The following KRT8 variants were observed in gnomAD, a reference collection of about 807,000 sequenced individuals.
KRT8 encodes the protein keratin 8, also known as keratin, type II cytoskeletal 8.
A neutral mutation model predicts 43.0 loss-of-function variants in KRT8; 24 were observed. That is an observed-to-expected ratio of 0.56 (90% CI 0.40 to 0.78). The LOEUF is 0.78. Among genes scored for constraint, KRT8 ranks in the 30% least tolerant of loss-of-function variants. The pLI, the probability that KRT8 is intolerant of heterozygous loss-of-function variation, is 0.00. For missense variants in KRT8, 492 were observed against 638.4 expected, an observed-to-expected ratio of 0.77 and a Z score of 2.47; for synonymous variants, 214 against 261.2, an observed-to-expected ratio of 0.82 and a Z score of 1.74.
intron 2 of KRT8, among the ~76,000 whole-genome samples, chr12:52,932,816 CA>C (rs1942106353): frequency 1.3e-5 from 2 of 151,426 alleles, no homozygotes; most frequent in African/African-American, 4.8e-5. Flanking sequence ...AAAAAAAAAA[CA>C]AAAACAAAAA....
intron 5 of KRT8, among the ~76,000 whole-genome samples, chr12:52,899,305 ACT>A (rs922994427): frequency 1.6e-4 from 24 of 152,086 alleles, no homozygotes; most frequent in African/African-American, 5.5e-4. Context: ...ACAGAGCAAG[ACT>A]CTGTCTCAAA....
chr12:52,941,646 G>A (rs897106718), intron 2 of KRT8, among the ~76,000 whole-genome samples: 12 of 151,884 alleles, frequency 7.9e-5, no homozygotes, highest in Admixed American at 4.6e-4. Flanking sequence ...GTGCCACCAC[G>A]CCCAGCTAAT....
intron 2 of KRT8, among the ~76,000 whole-genome samples, chr12:52,922,009 C>G (rs752674325): frequency 6.6e-6 from 1 of 151,124 alleles, no homozygotes; most frequent in Non-Finnish European, 1.5e-5. Flanking sequence ...ATACCCCTCT[C>G]CCCCACAAAA....
chr12:52,914,084 A>G (rs921270758), intron 2 of KRT8, among the ~76,000 whole-genome samples: 1 of 152,060 alleles, frequency 6.6e-6, no homozygotes. Context: ...TTAGCTGGGC[A>G]TGGTGGCAGG....
intron 1 of KRT8, among the ~76,000 whole-genome samples, chr12:52,904,217 G>A (rs902280930): frequency 2.0e-4 from 30 of 152,164 alleles, no homozygotes; most frequent in African/African-American, 7.2e-4. Flanking sequence ...CCTGGAGGAG[G>A]GTAGTCCCCG....
intron 2 of KRT8, chr12:52,948,903 G>A (rs1018759767): frequency 6.9e-6 from 3 of 433,122 alleles, no homozygotes; most frequent in Non-Finnish European, 1.2e-5. Context: ...CCTGCTGTCC[G>A]TGTCCATGCC....
At chr12:52,938,187 T>A (rs1235909212) in intron 2 of KRT8, among the ~76,000 whole-genome samples, 1 of 64,408 alleles carries the variant, frequency 1.6e-5, no homozygotes, top group Non-Finnish European at 3.0e-5. Flanking sequence ...TTTTTTTTTA[T>A]ATATAAGGTC....
At chr12:52,933,669 G>A (rs1325129120) in intron 2 of KRT8, among the ~76,000 whole-genome samples, 1 of 151,658 alleles carries the variant, frequency 6.6e-6, no homozygotes. Flanking sequence ...TTTTTGCCCA[G>A]GCTGAAGCGC....
chr12:52,903,916 T>A (rs537788195), intron 1 of KRT8, among the ~76,000 whole-genome samples: 1 of 124,278 alleles, frequency 8.0e-6, no homozygotes, highest in Admixed American at 9.3e-5. Context: ...CTCCGCCAGG[T>A]GGAGGAGAGC....
intron 2 of KRT8, among the ~76,000 whole-genome samples, chr12:52,935,540 A>G (rs1942156664): frequency 6.6e-6 from 1 of 151,012 alleles, no homozygotes. Flanking sequence ...AAAAAAAAAA[A>G]AAAAGGAAAA....
At chr12:52,945,921 C>T (rs1036177519) in intron 2 of KRT8, among the ~76,000 whole-genome samples, 8 of 152,012 alleles carry the variant, frequency 5.3e-5, no homozygotes, top group African/African-American at 1.9e-4. Context: ...ATCTGGAGGC[C>T]GAGACCTTCA....
chr12:52,921,459 A>C (rs998738793), intron 2 of KRT8, among the ~76,000 whole-genome samples: 21 of 152,104 alleles, frequency 1.4e-4, no homozygotes, highest in Non-Finnish European at 2.6e-4. Context: ...GATGGCTCCC[A>C]CATGTCACCA....
upstream of KRT8, among the ~76,000 whole-genome samples, chr12:52,909,100 T>G (rs1001797326): frequency 1.3e-5 from 2 of 152,204 alleles, no homozygotes; most frequent in African/African-American, 4.8e-5. Flanking sequence ...ACTGCAAGCT[T>G]CAGATTGTTG....
chr12:52,900,980 C>A (rs1402696506), intron 3 of KRT8, 179 bp downstream of exon 3: 6 of 692,970 alleles, frequency 8.7e-6, no homozygotes, highest in Non-Finnish European at 1.6e-5. Context: ...GTCAAGAGTT[C>A]TGTCCAAATG....
chr12:52,903,024 A>G (rs993763243), intron 1 of KRT8, among the ~76,000 whole-genome samples: 6 of 152,068 alleles, frequency 3.9e-5, no homozygotes, highest in Admixed American at 1.3e-4. Context: ...ACAAACAAAA[A>G]AACTTGTAAC....
At chr12:52,949,098 G>T in intron 2 of KRT8, 1 of 1,321,532 alleles carries the variant, frequency 7.6e-7, no homozygotes, top group Non-Finnish European at 1.1e-6. Flanking sequence ...GATATAACTC[G>T]GGTCGCGCGG....
At chr12:52,941,304 A>C (rs1212017336) in intron 2 of KRT8, among the ~76,000 whole-genome samples, 1 of 151,864 alleles carries the variant, frequency 6.6e-6, no homozygotes, top group Non-Finnish European at 1.5e-5. Context: ...TATATGTGAA[A>C]AGCTTAAGGT....
intron 2 of KRT8, among the ~76,000 whole-genome samples, chr12:52,927,350 T>G (rs1006519547): frequency 3.3e-5 from 5 of 152,144 alleles, no homozygotes; most frequent in Admixed American, 6.5e-5. Flanking sequence ...GGGCCCAGAT[T>G]CAGTGACTCA....
In KRT8 at chr12:52,925,578, ATC is replaced by A. The variant is rs1941973453; in HGVS notation, c.-46-20553_-46-20552del. Among the ~76,000 whole-genome samples, 3 of 152,088 alleles carry A rather than the reference ATC, an allele frequency of 2.0e-5. No homozygotes were observed. The South Asian group carries it at 6.2e-4, about 32-fold the overall frequency. On this transcript the variant is annotated intron_variant, in intron 2 of 6. Transcript: ENST00000546826. ...CAGGAATGAGATTGGAGCAAAAGGGATCTCTTTGGCGGAGGTGGGGTCAAAGA... is the reference window on the plus strand; with the variant it reads ...CAGGAATGAGATTGGAGCAAAAGGGATCTTTGGCGGAGGTGGGGTCAAAGA...
Sources: allele counts gnomAD v4.1 joint callset (sites outside exome capture counted in the v4.1 genomes callset), GRCh38; gene constraint gnomAD v4.1.1; transcripts MANE v1.5; gene names NCBI Gene and HGNC (gene_info 2026-07-23, HGNC 2026-07-21).